SYNJ1: variants seen among roughly 807,000 people sequenced by gnomAD.
The protein encoded by SYNJ1 is polyphosphatidylinositol phosphatase SYNJ1.
Under a neutral mutation model 168.2 loss-of-function variants are expected in SYNJ1, and 78 were observed. The observed-to-expected ratio is 0.46, with a 90% CI of 0.39 to 0.56. The LOEUF (loss-of-function observed/expected upper bound fraction) is 0.56. Ranked by LOEUF, SYNJ1 falls within the 20% of genes least tolerant of loss-of-function variation. The pLI, the probability that SYNJ1 is intolerant of heterozygous loss-of-function variation, is 0.00. For synonymous variants in SYNJ1, 539 were observed against 548.6 expected (o/e 0.98, Z 0.24); for missense variants, 1,303 against 1,597.6 (o/e 0.82, Z 3.14).
At chr21:32,719,212 A>T (rs2043129362) in intron 2 of SYNJ1, among the ~76,000 whole-genome samples, 1 of 152,274 alleles carries the variant, frequency 6.6e-6, no homozygotes, top group Non-Finnish European at 1.5e-5. Context: ...ACAGAAGGAA[A>T]CACTGAGATT....
intron 31 of SYNJ1, among the ~76,000 whole-genome samples, chr21:32,637,884 A>C (rs78183042): frequency 0.092 from 13,948 of 152,222 alleles, 697 homozygotes; most frequent in Middle Eastern, 0.17. Flanking sequence ...TATTTACTTT[A>C]ATATCTGTTT....
At position 32,727,977 on chromosome 21, in the gene SYNJ1, C is replaced by T. The variant is rs747789973; in HGVS notation, c.-54G>A. On this transcript the variant is annotated 5_prime_UTR_variant, in exon 1 of 33. Transcript: ENST00000674351. ...CTCCGGCTCCTCCTCCTCCTTCTCC[C>T]GCAGCCGCCGCCACAGCCGCCGGGA... is the stretch of plus-strand genomic sequence containing the variant. 2.0e-5 allele frequency: 31 copies of T among 1,535,230 alleles called. No individual in the cohort carries two copies. The highest frequency in any genetic ancestry group is 2.4e-5 in the Non-Finnish European group (28 of 1,146,040).
chr21:32,690,858 G>T (rs2041998275), intron 6 of SYNJ1, among the ~76,000 whole-genome samples: 1 of 152,208 alleles, frequency 6.6e-6, no homozygotes. Flanking sequence ...GGAGGCGGAG[G>T]TTGCGGTGAG....
Position 32,699,882 on chromosome 21 carries a change from C to A in SYNJ1, c.435G>T (p.Ala145=), listed in dbSNP as rs151248057. The A allele has an allele frequency of 1.3e-5, 21 of 1,613,978 alleles. No individual in the cohort carries two copies. The highest frequency in any genetic ancestry group is 1.2e-4 in the South Asian group (11 of 91,064). ...TTGTCTGTTCTTGCATGCTACGATG[C>A]GCATTAAGACTCAAATCTAAACTGA... ...SGISLDLSLN[A]HRSMQEQTTD... The change falls in exon 4 of 33, where the codon GCG becomes GCT. Residue 145 remains alanine (A), a synonymous_variant. Coordinates refer to ENST00000674351, the MANE Select transcript of SYNJ1 (RefSeq NM_203446.3).
At chr21:32,640,343 C>CGG (rs1358001038) in intron 29 of SYNJ1, among the ~76,000 whole-genome samples, 1 of 151,648 alleles carries the variant, frequency 6.6e-6, no homozygotes, top group Non-Finnish European at 1.5e-5. Flanking sequence ...TGTGGCCAGA[C>CGG]GGGAGTGCAG....
chr21:32,714,140 G>A (rs992992078), intron 2 of SYNJ1, among the ~76,000 whole-genome samples: 1 of 152,056 alleles, frequency 6.6e-6, no homozygotes, highest in East Asian at 1.9e-4. Flanking sequence ...TTGAGCAGAC[G>A]GAACAGCATA....
rs776238595 is a variant in SYNJ1, at chr21:32,685,925, TA to T, written c.949-9del. 2 of 1,601,332 alleles carry T rather than the reference TA, an allele frequency of 1.2e-6. No homozygotes were observed. The highest frequency in any genetic ancestry group is 1.8e-5 in the Admixed American group (1 of 56,760). ...AGAAGCTTTCAAATGACTCTGAAAG[TA>T]AAAAGGCAAATATTCATCTAAATGA... On this transcript the variant is annotated splice_polypyrimidine_tract_variant and intron_variant, in intron 8 of 32. Transcript: ENST00000674351.
intron 29 of SYNJ1, 121 bp downstream of exon 29, chr21:32,641,775 T>G: frequency 1.6e-6 from 1 of 633,674 alleles, no homozygotes; most frequent in Non-Finnish European, 2.7e-6. Context: ...TTCCCTCATT[T>G]TAGAGATGAG....
chr21:32,677,949 C>T (rs2041476057), intron 12 of SYNJ1, among the ~76,000 whole-genome samples: 1 of 151,982 alleles, frequency 6.6e-6, no homozygotes, highest in Admixed American at 6.6e-5. Flanking sequence ...TCAATTATAC[C>T]TCAATACATT....
Position 32,631,738 on chromosome 21 carries a change from C to T in SYNJ1, c.*67G>A. On this transcript the variant is annotated 3_prime_UTR_variant, in exon 33 of 33. Transcript: ENST00000674351. ...ACAGCAAGCAGATTAAATGACAGAT[C>T]TTCAAATGGGTCAATCTTTAATGGT... 6.2e-7 allele frequency: 1 copy of T among 1,614,176 alleles called. No individual in the cohort carries two copies. Among genetic ancestry groups the T allele is most frequent in the African/African-American group, 1.3e-5 (1 of 75,048 alleles).
chr21:32,695,332 A>G (rs542500122), intron 4 of SYNJ1, 50 bp from the exon 5 acceptor site: 1 of 1,515,746 alleles, frequency 6.6e-7, no homozygotes, highest in Non-Finnish European at 9.0e-7. Flanking sequence ...TAAGTAACAA[A>G]GTATGACTTT....
upstream of SYNJ1, chr21:32,728,087 GC>G (rs2043562674): frequency 1.4e-5 from 21 of 1,514,946 alleles, no homozygotes; most frequent in Non-Finnish European, 1.8e-5. Context: ...GAGGGAAGGG[GC>G]GGGGCATCAG....
intron 25 of SYNJ1, among the ~76,000 whole-genome samples, chr21:32,645,290 T>C (rs2040011847): frequency 6.6e-6 from 1 of 152,246 alleles, no homozygotes; most frequent in South Asian, 2.1e-4. Context: ...TTAATTATTT[T>C]ATGCTTATAA....
chr21:32,696,413 G>A (rs1463557623), intron 4 of SYNJ1, among the ~76,000 whole-genome samples: 1 of 152,196 alleles, frequency 6.6e-6, no homozygotes, highest in Admixed American at 6.5e-5. Flanking sequence ...CTAAAGTGGG[G>A]ATTGGGACTG....
At chr21:32,688,595 T>C (rs2041915006) in intron 6 of SYNJ1, among the ~76,000 whole-genome samples, 1 of 152,218 alleles carries the variant, frequency 6.6e-6, no homozygotes, top group Non-Finnish European at 1.5e-5. Context: ...TACATCATTA[T>C]GAAATACTCG....
rs2039702887 is a variant in SYNJ1, at chr21:32,638,963, G to T, written c.3860C>A (p.Pro1287Gln). The T allele has an allele frequency of 6.2e-7, 1 of 1,614,062 alleles. No homozygotes were observed. The highest frequency in any genetic ancestry group is 1.1e-5 in the South Asian group (1 of 91,076). Residue 1287 changes from proline to glutamine, a missense_variant, in exon 31 of 33, where the codon CCA becomes CAA. By Grantham distance (76) the Pro-to-Gln change is moderately conservative. This residue lies in a region of SYNJ1 where 383 missense variants were observed against 388.8 expected (regional missense o/e 0.99). Transcript: ENST00000674351. ...GCTATGGGATGACCTGCTTCGAGGT[G>T]GTGGTTGTGGTGGGGTTTCCAAATT... ...QPNLETPPQP[P>Q]PRSRSSHSLP... is the part of the protein sequence containing the mutation.
Position 32,631,179 on chromosome 21 carries a change from C to A in SYNJ1, c.*626G>T. 1 of 1,614,160 alleles carries A rather than the reference C, an allele frequency of 6.2e-7. No individual in the cohort carries two copies. Among genetic ancestry groups the A allele is most frequent in the Non-Finnish European group, 8.5e-7 (1 of 1,180,032 alleles). ...GTCATCATTCAATGTCAGGTTGGAG[C>A]CAGAAAATGAACTTGGCTGATTACC... On this transcript the variant is annotated 3_prime_UTR_variant, in exon 33 of 33. Transcript: ENST00000674351.
intron 4 of SYNJ1, among the ~76,000 whole-genome samples, chr21:32,695,899 T>G (rs1360869035): frequency 6.6e-6 from 1 of 151,214 alleles, no homozygotes; most frequent in Non-Finnish European, 1.5e-5. Flanking sequence ...CAGGTTGGAG[T>G]GCAGTGGCGG....
intron 29 of SYNJ1, 56 bp downstream of exon 29, chr21:32,641,840 G>T: frequency 7.5e-7 from 1 of 1,332,458 alleles, no homozygotes; most frequent in South Asian, 1.3e-5. Flanking sequence ...AAACTGACTA[G>T]TAGTAAACAG....
Sources: allele counts gnomAD v4.1 joint callset (sites outside exome capture counted in the v4.1 genomes callset), GRCh38; gene constraint gnomAD v4.1.1; regional missense constraint gnomAD v4.1.1; transcripts MANE v1.5; gene names NCBI Gene and HGNC (gene_info 2026-07-23, HGNC 2026-07-21).